The following PCDHGA3 variants were observed in gnomAD, a reference collection of about 807,000 sequenced individuals.
The protein encoded by PCDHGA3 is protocadherin gamma-A3.
Under a neutral mutation model 58.5 loss-of-function variants are expected in PCDHGA3, and 40 were observed. The ratio of observed to expected loss-of-function variants is 0.68; its 90% CI spans 0.53 to 0.89. PCDHGA3 has a LOEUF of 0.89. Ranked by LOEUF, PCDHGA3 falls within the 40% of genes least tolerant of loss-of-function variation. The pLI is 0.00. For missense variants in PCDHGA3, 1,223 were observed against 1,195.9 expected (o/e 1.02, Z -0.33); for synonymous variants, 530 against 525.7 (o/e 1.01, Z -0.11).
chr5:141,387,421 A>T (rs1379081151), intron 1 of PCDHGA3, among the ~76,000 whole-genome samples: 1 of 152,250 alleles, frequency 6.6e-6, no homozygotes, highest in Non-Finnish European at 1.5e-5. Flanking sequence ...GCTTATGTCA[A>T]TAAATGTTTA....
At chr5:141,362,250 C>A (rs997382173) in intron 1 of PCDHGA3, 5 of 1,614,018 alleles carry the variant, frequency 3.1e-6, no homozygotes, top group Non-Finnish European at 4.2e-6. Flanking sequence ...TCTTCTTCCT[C>A]GCGGTGATTC....
chr5:141,350,789 C>G (rs368449960), intron 1 of PCDHGA3: 2 of 1,613,852 alleles, frequency 1.2e-6, no homozygotes, highest in African/African-American at 2.7e-5. Flanking sequence ...ATACTTCTCT[C>G]TGTCAACGAA....
At chr5:141,469,126 A>T (rs2099191838) in intron 1 of PCDHGA3, among the ~76,000 whole-genome samples, 1 of 151,470 alleles carries the variant, frequency 6.6e-6, no homozygotes, top group African/African-American at 2.4e-5. Context: ...AAATTTAAAA[A>T]TTAGCCAGAA....
chr5:141,386,695 A>G (rs2090674224), intron 1 of PCDHGA3, among the ~76,000 whole-genome samples: 1 of 152,168 alleles, frequency 6.6e-6, no homozygotes, highest in Non-Finnish European at 1.5e-5. Flanking sequence ...CACTTGGGGT[A>G]GAAGACAATG....
intron 1 of PCDHGA3, among the ~76,000 whole-genome samples, chr5:141,434,819 A>G (rs2097719619): frequency 6.6e-6 from 1 of 151,946 alleles, no homozygotes; most frequent in Admixed American, 6.6e-5. Flanking sequence ...TATATCCCTT[A>G]GTACACTTGG....
rs146860480 is a variant in PCDHGA3 at position 141,474,581 on chromosome 5, T to G, written c.2425-20226T>G. ...GGTTTTCAGAGATTAATTGAAGTGTTAAAGACATGGAAATATAGGTCACAT... is the reference window on the plus strand; with the variant it reads ...GGTTTTCAGAGATTAATTGAAGTGTGAAAGACATGGAAATATAGGTCACAT... On this transcript the variant is annotated intron_variant, in intron 1 of 3. Transcript: ENST00000253812. Among the ~76,000 whole-genome samples the G allele has an allele frequency of 7.1e-4, 108 of 152,358 alleles. No homozygotes were observed. The East Asian group carries it at 0.015, about 21-fold the overall frequency.
intron 1 of PCDHGA3, chr5:141,375,668 C>T: frequency 2.5e-6 from 4 of 1,614,258 alleles, no homozygotes; most frequent in Non-Finnish European, 3.4e-6. Context: ...GAGAGACCTA[C>T]AGCTGTGGGT....
At chr5:141,399,398 G>T (rs1374441258) in intron 1 of PCDHGA3, 4 of 1,613,854 alleles carry the variant, frequency 2.5e-6, no homozygotes, top group Non-Finnish European at 3.4e-6. Flanking sequence ...ACAGACAGGG[G>T]CAAGCCGCCC....
intron 1 of PCDHGA3, chr5:141,366,971 C>A: frequency 1.7e-6 from 1 of 573,096 alleles, no homozygotes; most frequent in Non-Finnish European, 2.8e-6. Flanking sequence ...GAAACAAATA[C>A]CTTAAAGGAA....
At chr5:141,408,776 C>A in intron 1 of PCDHGA3, 2 of 1,611,684 alleles carry the variant, frequency 1.2e-6, no homozygotes, top group Non-Finnish European at 1.7e-6. Flanking sequence ...TGGCAAATAC[C>A]CAGAGTTATC....
intron 1 of PCDHGA3, chr5:141,419,253 A>C (rs1590154657): frequency 6.2e-7 from 1 of 1,613,990 alleles, no homozygotes; most frequent in South Asian, 1.1e-5. Context: ...CCAGAAAACA[A>C]CCAGCCGGGT....
Position 141,431,910 on chromosome 5 carries a change from G to A in PCDHGA3, c.2425-62897G>A. The A allele has an allele frequency of 6.2e-7, 1 of 1,614,096 alleles. No individual in the cohort carries two copies. Among genetic ancestry groups the A allele is most frequent in the Non-Finnish European group, 8.5e-7 (1 of 1,179,934 alleles). On this transcript the variant is annotated intron_variant, in intron 1 of 3. Transcript: ENST00000253812. This position sits in a 1 kb window ranked among gnomAD's most constrained non-coding sequence, Gnocchi z 4.8. ...TCTGAGGAAAACGGACAGGTGATCTGTTTCATCCAAGGAAATCTGCCCTTT... is the reference window on the plus strand; with the variant it reads ...TCTGAGGAAAACGGACAGGTGATCTATTTCATCCAAGGAAATCTGCCCTTT...
intron 1 of PCDHGA3, chr5:141,418,637 T>C: frequency 6.2e-7 from 1 of 1,613,998 alleles, no homozygotes; most frequent in Non-Finnish European, 8.5e-7. Context: ...TCCAGGCACC[T>C]CCATCCTGAG....
intron 1 of PCDHGA3, among the ~76,000 whole-genome samples, chr5:141,448,115 T>A (rs62379166): frequency 0.025 from 3,743 of 151,768 alleles, 65 homozygotes; most frequent in Middle Eastern, 0.086. Flanking sequence ...GAAAAGAAAA[T>A]TAGCCTCCCC....
rs1761614217 is a variant in PCDHGA3 at position 141,360,492 on chromosome 5, A to G, written c.2424+14035A>G. On this transcript the variant is annotated intron_variant, in intron 1 of 3. Transcript: ENST00000253812. ...AAAATCCACTAAATATTTTCTACAT[A>G]GCAGTAATTGTGCAGGATATAAATG... 2.5e-6 allele frequency: 4 copies of G among 1,613,894 alleles called. No homozygotes were observed. In the Admixed American group the frequency reaches 6.7e-5, roughly 27 times the overall value.
chr5:141,427,921 G>A (rs2097089596), intron 1 of PCDHGA3: 3 of 1,580,128 alleles, frequency 1.9e-6, no homozygotes, highest in African/African-American at 1.3e-5. Flanking sequence ...AACATGAGCC[G>A]GCGCATGTTG....
chr5:141,385,020 C>T, intron 1 of PCDHGA3: 3 of 1,614,168 alleles, frequency 1.9e-6, no homozygotes, highest in Non-Finnish European at 2.5e-6. Flanking sequence ...TCCTAGCCTT[C>T]GTCCTCGTAC....
chr5:141,497,957 A>G (rs2099780682), intron 2 of PCDHGA3, among the ~76,000 whole-genome samples: 1 of 152,242 alleles, frequency 6.6e-6, no homozygotes, highest in Non-Finnish European at 1.5e-5. Flanking sequence ...TCTGTTGGCC[A>G]GGCAGTGTTC....
intron 2 of PCDHGA3, among the ~76,000 whole-genome samples, chr5:141,496,592 T>G (rs948403662): frequency 6.6e-6 from 1 of 152,136 alleles, no homozygotes; most frequent in African/African-American, 2.4e-5. Context: ...GCAAAGCGCT[T>G]CTTAGAAGGC....
Sources: gnomAD v4.1 joint callset for allele counts (sites outside exome capture counted in the v4.1 genomes callset) on GRCh38, gnomAD v4.1.1 for gene constraint, Gnocchi (gnomAD v3.1) non-coding constraint, MANE v1.5 for transcripts, NCBI Gene and HGNC (gene_info 2026-07-23, HGNC 2026-07-21) for gene names.